GRIK4: variants seen among roughly 807,000 people sequenced by gnomAD.
The protein encoded by GRIK4 is glutamate receptor ionotropic, kainate 4.
A neutral mutation model predicts 104.9 loss-of-function variants in GRIK4; 40 were observed. The observed-to-expected ratio is 0.38, with a 90% confidence interval of 0.30 to 0.50. The LOEUF (loss-of-function observed/expected upper bound fraction) is 0.50, where lower values mean the gene tolerates loss of function less well. Among genes scored for constraint, GRIK4 ranks in the 20% least tolerant of loss-of-function variants. GRIK4 has a pLI of 0.93. For synonymous variants in GRIK4, 485 were observed against 524.9 expected (o/e 0.92, Z 1.04); for missense variants, 1,047 against 1,308.1 (o/e 0.80, Z 3.08).
intron 8 of GRIK4, among the ~76,000 whole-genome samples, chr11:120,851,218 C>T (rs922892985): frequency 2.0e-5 from 3 of 152,162 alleles, no homozygotes; most frequent in Non-Finnish European, 4.4e-5. Context: ...AACATAACTC[C>T]TGTGACCTCC....
chr11:120,986,130 G>A lies in GRIK4; in HGVS notation c.2741G>A (p.Arg914His), dbSNP rs1211937127. 5 of 1,522,484 alleles carry A rather than the reference G, an allele frequency of 3.3e-6. No homozygotes were observed. Among genetic ancestry groups the A allele is most frequent in the Non-Finnish European group, 4.4e-6 (5 of 1,143,754 alleles). 94.3% of individuals were successfully genotyped at this position (1,522,484 alleles called of 1,614,324 possible). A position where few individuals can be genotyped will look rare whatever the true frequency, so the allele number is the denominator to read the frequency against. Residue 914 changes from arginine to histidine, a missense_variant, in exon 21 of 21, where the codon CGC becomes CAC. Coordinates refer to ENST00000527524, the MANE Select transcript of GRIK4 (RefSeq NM_014619.5). ...RLAQEAALVA[R>H]GCTHIRVCPE... ...GCGCAGGAGGCCGCCCTGGTGGCCCGCGGCTGCACGCACATCCGCGTCTGC... is the reference window on the plus strand; with the variant it reads ...GCGCAGGAGGCCGCCCTGGTGGCCCACGGCTGCACGCACATCCGCGTCTGC...
intron 1 of GRIK4, among the ~76,000 whole-genome samples, chr11:120,570,202 C>T (rs1424773335): frequency 8.5e-5 from 13 of 152,168 alleles, no homozygotes; most frequent in Admixed American, 8.5e-4. Flanking sequence ...CACAGAGGAT[C>T]AGGGGTTGGG....
At chr11:120,596,088 C>T (rs1251214039) in intron 1 of GRIK4, among the ~76,000 whole-genome samples, 4 of 152,210 alleles carry the variant, frequency 2.6e-5, no homozygotes, top group African/African-American at 9.7e-5. Context: ...CTCAATAATC[C>T]GCCCGTCTCG....
chr11:120,850,264 A>G (rs770625292), intron 8 of GRIK4, among the ~76,000 whole-genome samples: 8 of 151,848 alleles, frequency 5.3e-5, no homozygotes, highest in Non-Finnish European at 7.4e-5. Context: ...AGCGTAACCT[A>G]ATTGAGAGGT....
At chr11:120,636,494 TG>T (rs970835473) in intron 1 of GRIK4, among the ~76,000 whole-genome samples, 23 of 152,304 alleles carry the variant, frequency 1.5e-4, no homozygotes, top group African/African-American at 5.5e-4. Context: ...AAGAGCAGTG[TG>T]GGGAGACTGT....
intron 3 of GRIK4, among the ~76,000 whole-genome samples, chr11:120,757,284 C>T (rs924552892): frequency 2.0e-5 from 3 of 152,324 alleles, no homozygotes; most frequent in South Asian, 2.1e-4. Context: ...TGCCTTGGGG[C>T]GTCCAGAAGG....
chr11:120,780,440 T>C (rs912204381), intron 3 of GRIK4, among the ~76,000 whole-genome samples: 1 of 152,246 alleles, frequency 6.6e-6, no homozygotes, highest in Non-Finnish European at 1.5e-5. Context: ...ACAAAGTTCA[T>C]CCTTGTAGTA....
At position 120,986,013 on chromosome 11, in the gene GRIK4, T is replaced by C; in HGVS notation, c.2624T>C (p.Ile875Thr). 6.5e-7 allele frequency: 1 copy of C among 1,528,228 alleles called. No homozygotes were observed. 94.7% of individuals were successfully genotyped at this position (1,528,228 alleles called of 1,614,324 possible). A position where few individuals can be genotyped will look rare whatever the true frequency, so the allele number is the denominator to read the frequency against. ...RAAVPPPRPPIPEERRPRGTA... is the reference protein window; with the variant it reads ...RAAVPPPRPPTPEERRPRGTA... ...GCAGTCCCGCCGCCCCGGCCCCCCA[T>C]CCCCGAGGAGCGCCGACCGCGGGGC... The change falls in exon 21 of 21, where the codon ATC becomes ACC. Residue 875 changes from isoleucine (I) to threonine (T), a missense_variant. Physicochemically the swap from Ile to Thr is moderately conservative, Grantham distance 89 (BLOSUM62 -1). This residue lies in a region of GRIK4 where 160 missense variants were observed against 140.9 expected (regional missense o/e 1.14). Coordinates refer to ENST00000527524, the MANE Select transcript of GRIK4 (RefSeq NM_014619.5).
intron 11 of GRIK4, among the ~76,000 whole-genome samples, chr11:120,883,219 G>A (rs1328356688): frequency 6.6e-6 from 1 of 152,146 alleles, no homozygotes; most frequent in Admixed American, 6.5e-5. Flanking sequence ...CAGATGTGCT[G>A]TCCGGGCCTA....
intron 1 of GRIK4, among the ~76,000 whole-genome samples, chr11:120,535,311 G>T (rs1262371628): frequency 6.7e-6 from 1 of 148,930 alleles, no homozygotes; most frequent in Non-Finnish European, 1.5e-5. Flanking sequence ...TCTTTGCAGG[G>T]AGGGTTGGGG....
chr11:120,597,913 T>A (rs528499533), intron 1 of GRIK4, among the ~76,000 whole-genome samples: 4 of 152,178 alleles, frequency 2.6e-5, no homozygotes, highest in East Asian at 1.9e-4. Context: ...TAATTACTGC[T>A]TGATGGAATG....
chr11:120,550,004 A>G (rs546216658), intron 1 of GRIK4, among the ~76,000 whole-genome samples: 10 of 152,290 alleles, frequency 6.6e-5, no homozygotes, highest in African/African-American at 2.4e-4. Context: ...AAGTGCAATG[A>G]AAAGCCATTA....
chr11:120,579,994 G>C (rs955367324), intron 1 of GRIK4, among the ~76,000 whole-genome samples: 1 of 152,108 alleles, frequency 6.6e-6, no homozygotes, highest in Non-Finnish European at 1.5e-5. Flanking sequence ...TCTGAGTCTG[G>C]CTTCTTCCAC....
intron 14 of GRIK4, among the ~76,000 whole-genome samples, chr11:120,949,051 A>G (rs1022061493): frequency 1.3e-5 from 2 of 152,226 alleles, no homozygotes; most frequent in African/African-American, 4.8e-5. Context: ...CGGTGTCCCC[A>G]TGAATCTGGC....
At chr11:120,596,025 T>C (rs1948797515) in intron 1 of GRIK4, among the ~76,000 whole-genome samples, 1 of 152,172 alleles carries the variant, frequency 6.6e-6, no homozygotes, top group Non-Finnish European at 1.5e-5. Flanking sequence ...TTTTGTATTT[T>C]TAGTAGAGAC....
chr11:120,842,698 C>A (rs569075735), intron 8 of GRIK4, among the ~76,000 whole-genome samples: 3 of 152,224 alleles, frequency 2.0e-5, no homozygotes, highest in African/African-American at 7.2e-5. Flanking sequence ...GTTATAGATG[C>A]ACTGTGCTTA....
intron 3 of GRIK4, among the ~76,000 whole-genome samples, chr11:120,735,569 T>A (rs1440170703): frequency 2.0e-5 from 3 of 151,906 alleles, no homozygotes; most frequent in Admixed American, 6.6e-5. Flanking sequence ...ATCAAGGCCC[T>A]AGGGCTCTAC....
At chr11:120,625,548 T>C (rs577668691) in intron 1 of GRIK4, among the ~76,000 whole-genome samples, 20 of 152,220 alleles carry the variant, frequency 1.3e-4, no homozygotes, top group Admixed American at 1.3e-4. Context: ...AGATGCTGAT[T>C]AGTCAGCTCT....
intron 1 of GRIK4, among the ~76,000 whole-genome samples, chr11:120,615,842 C>G (rs942784086): frequency 6.6e-6 from 1 of 151,980 alleles, no homozygotes; most frequent in African/African-American, 2.4e-5. Flanking sequence ...CAGTCTCACT[C>G]ATTGCTTATG....
Sources: allele counts gnomAD v4.1 joint callset (sites outside exome capture counted in the v4.1 genomes callset), GRCh38; gene constraint gnomAD v4.1.1; regional missense constraint gnomAD v4.1.1; transcripts MANE v1.5; gene names NCBI Gene and HGNC (gene_info 2026-07-23, HGNC 2026-07-21).